Variants in WDPCP observed in about 807,000 individuals in gnomAD.
WDPCP encodes the protein WD repeat-containing and planar cell polarity effector protein fritz homolog.
A neutral mutation model predicts 93.1 loss-of-function variants in WDPCP; 71 were observed. The observed-to-expected ratio is 0.76, with a 90% CI of 0.63 to 0.93. WDPCP has a LOEUF of 0.93. WDPCP is among the 40% of genes least tolerant of loss of function. The pLI is 0.00. For missense variants in WDPCP, 844 were observed against 887.4 expected, an observed-to-expected ratio of 0.95 and a Z score of 0.62; for synonymous variants, 315 against 315.0, an observed-to-expected ratio of 1.00 and a Z score of 0.00.
chr2:63,823,962 C>T (rs930618825), intron 1 of WDPCP, among the ~76,000 whole-genome samples: 3 of 151,910 alleles, frequency 2.0e-5, no homozygotes, highest in Non-Finnish European at 4.4e-5. Context: ...TTGCTTGAGC[C>T]CAGGGGTTTG....
At chr2:63,812,253 C>CT (rs1558917058) in intron 2 of WDPCP, among the ~76,000 whole-genome samples, 1 of 152,022 alleles carries the variant, frequency 6.6e-6, no homozygotes, top group Non-Finnish European at 1.5e-5. Context: ...TGATTTTGTT[C>CT]TTTTTTTATG....
chr2:63,472,067 G>A (rs145637969), intron 6 of WDPCP, among the ~76,000 whole-genome samples: 5 of 151,990 alleles, frequency 3.3e-5, no homozygotes, highest in East Asian at 1.9e-4. Flanking sequence ...CTTTCTTTCC[G>A]AATTTTGAAG....
rs561789806 is a variant in WDPCP, at chr2:63,537,469, A to T, written c.76-44529T>A. ...TGACTACACATTGCACCAAGGATGA[A>T]ATTCTGATGATACACAAGACCATGC... On this transcript the variant is annotated intron_variant, in intron 1 of 17. Coordinates refer to ENST00000272321, the MANE Select transcript of WDPCP (RefSeq NM_015910.7). Among the ~76,000 whole-genome samples, 30 of 152,316 alleles carry T rather than the reference A, an allele frequency of 2.0e-4. No homozygotes were observed. The South Asian group carries it at 6.0e-3, about 30-fold the overall frequency.
chr2:63,211,015 C>G (rs1281582224), intron 14 of WDPCP, among the ~76,000 whole-genome samples: 1 of 152,210 alleles, frequency 6.6e-6, no homozygotes, highest in African/African-American at 2.4e-5. Context: ...CCTCTGTAGA[C>G]TCTGCTTCTG....
At chr2:63,359,806 C>A (rs919708350) in intron 12 of WDPCP, 1 of 152,202 alleles carries the variant, frequency 6.6e-6, no homozygotes, top group Admixed American at 6.5e-5. Flanking sequence ...TATGGCCGGG[C>A]ACGGTGGCTT....
intron 15 of WDPCP, among the ~76,000 whole-genome samples, chr2:63,166,310 C>T (rs1185650366): frequency 6.6e-6 from 1 of 152,084 alleles, no homozygotes; most frequent in African/African-American, 2.4e-5. Flanking sequence ...CGTGATTCGC[C>T]TGCCTTGGCC....
chr2:63,140,296 C>G (rs539755309), intron 17 of WDPCP, among the ~76,000 whole-genome samples: 2 of 152,160 alleles, frequency 1.3e-5, no homozygotes, highest in East Asian at 3.9e-4. Context: ...GCTGTGTGGG[C>G]TCTTTCTTGG....
At chr2:63,314,235 G>A (rs1686459790) in intron 12 of WDPCP, among the ~76,000 whole-genome samples, 1 of 151,630 alleles carries the variant, frequency 6.6e-6, no homozygotes, top group African/African-American at 2.4e-5. Context: ...GGAGTACAGT[G>A]GTGCAATCAT....
At chr2:63,723,287 A>AT (rs1035060678) in intron 2 of WDPCP, among the ~76,000 whole-genome samples, 1 of 136,930 alleles carries the variant, frequency 7.3e-6, no homozygotes, top group Non-Finnish European at 1.6e-5. Flanking sequence ...TCAATAAAAA[A>AT]TTAAAAAAAA....
chr2:63,491,955 G>C (rs1371007469), intron 2 of WDPCP, among the ~76,000 whole-genome samples: 2 of 152,090 alleles, frequency 1.3e-5, no homozygotes, highest in Non-Finnish European at 2.9e-5. Context: ...TGTCGAAAGG[G>C]TTTATACCTT....
chr2:63,376,262 G>C (rs1691844458), intron 12 of WDPCP, among the ~76,000 whole-genome samples: 1 of 151,796 alleles, frequency 6.6e-6, no homozygotes. Flanking sequence ...TGCAAAAGAA[G>C]AAACATGAAA....
chr2:63,547,553 G>GTA (rs3077063), intron 1 of WDPCP, among the ~76,000 whole-genome samples: 123,231 of 150,012 alleles, frequency 0.82, 50,873 homozygotes, highest in East Asian at 0.97. Context: ...AATGTGGTAT[G>GTA]TATACACACA....
chr2:63,297,282 G>T (rs986858650), intron 13 of WDPCP, among the ~76,000 whole-genome samples: 1 of 152,146 alleles, frequency 6.6e-6, no homozygotes, highest in Non-Finnish European at 1.5e-5. Flanking sequence ...CATTCCAAGG[G>T]GTGGGCTGGG....
chr2:63,592,164 TTAA>T (rs779034438), upstream of WDPCP, among the ~76,000 whole-genome samples: 9 of 152,202 alleles, frequency 5.9e-5, no homozygotes, highest in Non-Finnish European at 1.2e-4. Context: ...TGATAGGAAC[TTAA>T]TGATGTTTTG....
chr2:63,296,108 T>C (rs1684831427), intron 13 of WDPCP, among the ~76,000 whole-genome samples: 1 of 152,080 alleles, frequency 6.6e-6, no homozygotes, highest in Non-Finnish European at 1.5e-5. Flanking sequence ...GTGGGCTTTA[T>C]TCCAGGGATA....
At chr2:63,407,376 A>G (rs751798924) in intron 9 of WDPCP, among the ~76,000 whole-genome samples, 1 of 152,204 alleles carries the variant, frequency 6.6e-6, no homozygotes, top group Non-Finnish European at 1.5e-5. Flanking sequence ...CTTGTAGGCC[A>G]CTAGGGACTT....
chr2:63,588,565 T>G, upstream of WDPCP: 1 of 554,680 alleles, frequency 1.8e-6, no homozygotes. Context: ...AAGGTCTCTT[T>G]ACCTCCCACG....
chr2:63,756,900 T>C (rs1669976843), intron 2 of WDPCP, among the ~76,000 whole-genome samples: 1 of 152,182 alleles, frequency 6.6e-6, no homozygotes, highest in Admixed American at 6.5e-5. Flanking sequence ...AGAAATTTTC[T>C]AGTGCACTTA....
At chr2:63,797,551 G>C (rs550571976) in intron 2 of WDPCP, among the ~76,000 whole-genome samples, 1 of 151,328 alleles carries the variant, frequency 6.6e-6, no homozygotes, top group East Asian at 2.0e-4. Context: ...TTTGATTGGA[G>C]AGTTTAGTCT....
Sources: allele counts gnomAD v4.1 joint callset (sites outside exome capture counted in the v4.1 genomes callset), GRCh38; gene constraint gnomAD v4.1.1; transcripts MANE v1.5; gene names NCBI Gene and HGNC (gene_info 2026-07-23, HGNC 2026-07-21).